The following TTC29 variants were observed in gnomAD, a reference collection of about 807,000 sequenced individuals.
TTC29 encodes the protein tetratricopeptide repeat protein 29.
Under a neutral mutation model 58.1 loss-of-function variants are expected in TTC29, and 49 were observed. The observed-to-expected ratio is 0.84, with a 90% CI of 0.67 to 1.07. The LOEUF is 1.07. Ranked by LOEUF, TTC29 falls within the 50% of genes least tolerant of loss-of-function variation. The pLI is 0.00. For synonymous variants in TTC29, 209 were observed against 196.8 expected (o/e 1.06, Z -0.52); for missense variants, 582 against 555.6 (o/e 1.05, Z -0.48).
intron 11 of TTC29, among the ~76,000 whole-genome samples, chr4:146,764,794 T>A (rs898682135): frequency 6.6e-6 from 1 of 152,084 alleles, no homozygotes; most frequent in African/African-American, 2.4e-5. Context: ...GGAACAGAAA[T>A]GTACTGAATA....
chr4:146,856,807 G>A (rs1391142633), intron 8 of TTC29, among the ~76,000 whole-genome samples: 2 of 151,274 alleles, frequency 1.3e-5, no homozygotes, highest in African/African-American at 4.8e-5. Context: ...AATTTACTAA[G>A]ATTCTATTCT....
intron 11 of TTC29, among the ~76,000 whole-genome samples, chr4:146,786,632 A>G (rs1251182072): frequency 1.3e-5 from 2 of 152,196 alleles, no homozygotes; most frequent in Non-Finnish European, 2.9e-5. Context: ...TTATTTTTAC[A>G]TAGTTTGGGG....
At chr4:146,909,306 G>A in intron 4 of TTC29, 57 bp from the exon 5 acceptor site, 1 of 1,299,950 alleles carries the variant, frequency 7.7e-7, no homozygotes. Flanking sequence ...AGTCTGCACG[G>A]TATTTTCATT....
intron 6 of TTC29, among the ~76,000 whole-genome samples, chr4:146,880,880 A>G (rs1232219587): frequency 6.6e-6 from 1 of 152,114 alleles, no homozygotes; most frequent in Non-Finnish European, 1.5e-5. Context: ...CGAACATTAG[A>G]GGCATGATTG....
chr4:146,708,181 A>G (rs988378499), intron 11 of TTC29, among the ~76,000 whole-genome samples: 1 of 151,758 alleles, frequency 6.6e-6, no homozygotes. Context: ...CTTGTGATAT[A>G]ATAAAATGGC....
chr4:146,755,567 T>C (rs977580492), intron 11 of TTC29, among the ~76,000 whole-genome samples: 1 of 152,104 alleles, frequency 6.6e-6, no homozygotes, highest in East Asian at 1.9e-4. Context: ...GGTAATAAGA[T>C]TGTATTGTAT....
At position 146,926,610 on chromosome 4, in the gene TTC29, G is replaced by A. The variant is rs766926238; in HGVS notation, c.176+10984C>T. On this transcript the variant is annotated intron_variant, in intron 4 of 12. Coordinates refer to ENST00000325106, the MANE Select transcript of TTC29 (RefSeq NM_031956.4). ...CCTGAGTAGCTGGGATTACAGGTGC[G>A]TGCCACCATGCCTGGCTAATTTTTA... Among the ~76,000 whole-genome samples the A allele has an allele frequency of 6.6e-5, 10 of 151,902 alleles. No individual in the cohort carries two copies. In the South Asian group the frequency reaches 1.5e-3, roughly 22 times the overall value.
chr4:146,938,675 A>T (rs1272875337), intron 3 of TTC29, among the ~76,000 whole-genome samples: 1 of 152,160 alleles, frequency 6.6e-6, no homozygotes, highest in Non-Finnish European at 1.5e-5. Context: ...ATTTTTAAAG[A>T]ATTTTTATGT....
intron 6 of TTC29, among the ~76,000 whole-genome samples, chr4:146,892,021 C>T (rs150801205): frequency 0.01 from 1,583 of 152,106 alleles, 11 homozygotes; most frequent in Middle Eastern, 0.024. Context: ...GTCTGTGATA[C>T]GGTTTAGATC....
intron 6 of TTC29, among the ~76,000 whole-genome samples, chr4:146,888,271 A>G (rs1732123071): frequency 6.6e-6 from 1 of 152,214 alleles, no homozygotes; most frequent in Admixed American, 6.5e-5. Context: ...ACAATGGAGC[A>G]GAGAGATTAC....
chr4:146,760,480 C>G (rs1746800154), intron 11 of TTC29, among the ~76,000 whole-genome samples: 1 of 151,518 alleles, frequency 6.6e-6, no homozygotes, highest in African/African-American at 2.4e-5. Context: ...CATAGCCAAA[C>G]CAAGAGTAAG....
intron 6 of TTC29, among the ~76,000 whole-genome samples, chr4:146,894,118 A>G (rs1732586131): frequency 6.6e-6 from 1 of 151,726 alleles, no homozygotes; most frequent in Non-Finnish European, 1.5e-5. Context: ...GGAAGTCAAT[A>G]TGGCGATTCC....
intron 11 of TTC29, among the ~76,000 whole-genome samples, chr4:146,722,455 G>T (rs1579522915): frequency 6.6e-6 from 1 of 152,012 alleles, no homozygotes; most frequent in South Asian, 2.1e-4. Flanking sequence ...AAACAGCATG[G>T]TACTGGTACA....
intron 11 of TTC29, among the ~76,000 whole-genome samples, chr4:146,735,286 C>T (rs1443430617): frequency 6.6e-6 from 1 of 152,108 alleles, no homozygotes; most frequent in African/African-American, 2.4e-5. Flanking sequence ...AGGAACTCTT[C>T]AAACCAGAGG....
At chr4:146,857,099 G>T (rs1159378780) in intron 8 of TTC29, among the ~76,000 whole-genome samples, 1 of 151,856 alleles carries the variant, frequency 6.6e-6, no homozygotes, top group Non-Finnish European at 1.5e-5. Flanking sequence ...TTCTGAATAA[G>T]ACATTTTCTA....
intron 8 of TTC29, among the ~76,000 whole-genome samples, chr4:146,847,655 G>T (rs1729259287): frequency 6.6e-6 from 1 of 152,134 alleles, no homozygotes; most frequent in African/African-American, 2.4e-5. Flanking sequence ...GAGGTGACTT[G>T]TCAGGGAGAA....
At chr4:146,715,186 T>C (rs1742840060) in intron 11 of TTC29, among the ~76,000 whole-genome samples, 1 of 150,778 alleles carries the variant, frequency 6.6e-6, no homozygotes, top group African/African-American at 2.5e-5. Context: ...TGTAAATTAG[T>C]ACAGCCATTA....
At chr4:146,816,402 A>G (rs936191220) in intron 10 of TTC29, among the ~76,000 whole-genome samples, 2 of 152,190 alleles carry the variant, frequency 1.3e-5, no homozygotes, top group Non-Finnish European at 2.9e-5. Flanking sequence ...AGAGGAGTCA[A>G]TAAAGGCAAA....
intron 6 of TTC29, among the ~76,000 whole-genome samples, chr4:146,900,529 A>G (rs1338631990): frequency 6.6e-6 from 1 of 152,184 alleles, no homozygotes; most frequent in Non-Finnish European, 1.5e-5. Context: ...GGCTGCCACT[A>G]AATGGTAGGT....
Sources: allele counts gnomAD v4.1 joint callset (sites outside exome capture counted in the v4.1 genomes callset), GRCh38; gene constraint gnomAD v4.1.1; transcripts MANE v1.5; gene names NCBI Gene and HGNC (gene_info 2026-07-23, HGNC 2026-07-21).